Variants in CDNF observed in about 807,000 individuals in gnomAD.
The protein encoded by CDNF is cerebral dopamine neurotrophic factor.
A neutral mutation model predicts 14.8 loss-of-function variants in CDNF; 9 were observed. That is an observed-to-expected ratio of 0.61 (90% confidence interval 0.37 to 1.06). The LOEUF (loss-of-function observed/expected upper bound fraction) is 1.06, where lower values mean the gene tolerates loss of function less well. Among genes scored for constraint, CDNF ranks in the 50% least tolerant of loss-of-function variants. The pLI, the probability that CDNF is intolerant of heterozygous loss-of-function variation, is 0.01. For synonymous variants in CDNF, 86 were observed against 87.2 expected (o/e 0.99, Z 0.07); for missense variants, 228 against 228.4 (o/e 1.00, Z 0.01).
At chr10:14,832,011 GAAGAAAACA>G (rs1258626794) in intron 1 of CDNF, among the ~76,000 whole-genome samples, 7 of 152,296 alleles carry the variant, frequency 4.6e-5, no homozygotes, top group Middle Eastern at 3.4e-3. Context: ...ATTCAGTAAT[GAAGAAAACA>G]AAGAACTTGC....
chr10:14,820,246 A>C, intron 3 of CDNF, 88 bp from the exon 4 acceptor site: 1 of 1,326,764 alleles, frequency 7.5e-7, no homozygotes, highest in Non-Finnish European at 1.0e-6. Context: ...TAGTTTGCTT[A>C]TCTTGGTGCT....
At chr10:14,826,095 A>AAGAAGAAGAAGAAGAAGC (rs1426555042) in intron 2 of CDNF, among the ~76,000 whole-genome samples, 53 of 87,576 alleles carry the variant, frequency 6.1e-4, no homozygotes, top group Non-Finnish European at 1.0e-3. Context: ...GAAGAAGAAG[A>AAGAAGAAGAAGAAGAAGC]AGCAGCAGCA....
intron 2 of CDNF, among the ~76,000 whole-genome samples, chr10:14,826,191 CAGCAGAAGA>C (rs1387084936): frequency 2.2e-5 from 3 of 134,032 alleles, no homozygotes; most frequent in Admixed American, 7.5e-5. Flanking sequence ...GAAGCAGAAG[CAGCAGAAGA>C]AGAAGAAGAA....
chr10:14,823,472 T>C (rs1345075410), intron 3 of CDNF, among the ~76,000 whole-genome samples: 1 of 152,222 alleles, frequency 6.6e-6, no homozygotes. Context: ...ACAACAAATT[T>C]GTTGAATTTA....
intron 1 of CDNF, among the ~76,000 whole-genome samples, chr10:14,832,759 CTG>C (rs1661235091): frequency 6.6e-6 from 1 of 151,558 alleles, no homozygotes; most frequent in African/African-American, 2.4e-5. Context: ...GGCCAAGAAA[CTG>C]GAACCGTGGA....
intron 1 of CDNF, among the ~76,000 whole-genome samples, chr10:14,832,778 A>G (rs1468758053): frequency 6.6e-6 from 1 of 151,864 alleles, no homozygotes; most frequent in Non-Finnish European, 1.5e-5. Context: ...TGGAGTTGCC[A>G]TCTGCTGAAA....
At chr10:14,832,667 C>G (rs183533831) in intron 1 of CDNF, among the ~76,000 whole-genome samples, 95 of 151,976 alleles carry the variant, frequency 6.3e-4, no homozygotes, top group African/African-American at 2.1e-3. Context: ...AAGGAAGAGC[C>G]AAAAGAATTT....
chr10:14,821,686 T>C (rs994224888), intron 3 of CDNF, among the ~76,000 whole-genome samples: 2 of 152,206 alleles, frequency 1.3e-5, no homozygotes, highest in Non-Finnish European at 2.9e-5. Flanking sequence ...CAAGAGATTA[T>C]ACTTGCTTCA....
rs770033243 is a variant in CDNF at position 14,828,252 on chromosome 10, G to T, written c.136C>A (p.Arg46=). ...DCEVCKEFLN[R]FYKSLIDRGV... The stretch of plus-strand genomic sequence containing the variant: ...CTGTCTATCAGTGACTTGTAGAATC[G>T]GTTCAAGAATTCTTTACATACTGGA... Residue 46 remains arginine, a synonymous_variant, in exon 2 of 4, where the codon CGA becomes AGA. Transcript: ENST00000465530. 2 of 1,613,244 alleles carry T rather than the reference G, an allele frequency of 1.2e-6. No individual in the cohort carries two copies. The highest frequency in any genetic ancestry group is 1.7e-6 in the Non-Finnish European group (2 of 1,179,458).
Position 14,826,026 on chromosome 10 carries a change from A to C in CDNF, c.244-406T>G, listed in dbSNP as rs1241484375. 1.5e-4 allele frequency among the ~76,000 whole-genome samples: 17 copies of C among 113,330 alleles called. 1 individual carries two copies. The highest frequency in any genetic ancestry group is 6.1e-4 in the African/African-American group (14 of 23,032). The allele number at this position is 113,330 out of a possible 152,430, so 74.3% of individuals were successfully genotyped here. A position where few individuals can be genotyped will look rare whatever the true frequency, so the allele number is the denominator to read the frequency against. Reference sequence around the variant, plus strand: ...GAAGAAGCAGAAGCAGAAGAAGAAGAAGGAGAAGAAGAAGAAGAAGAAGAA... The same window carrying C: ...GAAGAAGCAGAAGCAGAAGAAGAAGCAGGAGAAGAAGAAGAAGAAGAAGAA... On this transcript the variant is annotated intron_variant, in intron 2 of 3. Coordinates refer to ENST00000465530, the MANE Select transcript of CDNF (RefSeq NM_001029954.3).
chr10:14,828,115 G>A (rs1446311919), intron 2 of CDNF, 30 bp downstream of exon 2: 2 of 1,610,138 alleles, frequency 1.2e-6, no homozygotes, highest in African/African-American at 2.7e-5. Flanking sequence ...TCAAGCACAT[G>A]GGGAAAATGA....
chr10:14,824,643 T>C (rs928310104), intron 3 of CDNF, among the ~76,000 whole-genome samples: 1 of 151,730 alleles, frequency 6.6e-6, no homozygotes, highest in Admixed American at 6.6e-5. Flanking sequence ...TCTCCTTCCT[T>C]TTCTTGCTGT....
chr10:14,828,653 A>C (rs999238362), intron 1 of CDNF, among the ~76,000 whole-genome samples: 3 of 151,888 alleles, frequency 2.0e-5, no homozygotes, highest in South Asian at 2.1e-4. Flanking sequence ...CTCACACACA[A>C]AAAAAGAAAC....
chr10:14,835,666 A>C (rs1833880055), intron 1 of CDNF, among the ~76,000 whole-genome samples: 1 of 152,184 alleles, frequency 6.6e-6, no homozygotes, highest in African/African-American at 2.4e-5. Context: ...TGAATCTATA[A>C]TTATTTTAAA....
At position 14,837,995 on chromosome 10, in the gene CDNF, C is replaced by G; in HGVS notation, c.-49G>C. On this transcript the variant is annotated 5_prime_UTR_variant, in exon 1 of 4. Coordinates refer to ENST00000465530, the MANE Select transcript of CDNF (RefSeq NM_001029954.3). Reference sequence around the variant, plus strand: ...CTCCGCCACCCGCGCCCACCGCCCACCAAGCTGCCAAAGCGAGCTGAGCAG... The same window carrying G: ...CTCCGCCACCCGCGCCCACCGCCCAGCAAGCTGCCAAAGCGAGCTGAGCAG... The G allele has an allele frequency of 1.4e-6, 2 of 1,391,090 alleles. No homozygotes were observed. The highest frequency in any genetic ancestry group is 1.2e-5 in the South Asian group (1 of 81,342). The allele number at this position is 1,391,090 out of a possible 1,614,324, so 86.2% of individuals were successfully genotyped here.
intron 1 of CDNF, among the ~76,000 whole-genome samples, chr10:14,834,955 T>C (rs532414338): frequency 6.6e-6 from 1 of 152,150 alleles, no homozygotes; most frequent in Admixed American, 6.5e-5. Context: ...GCAGGACCAG[T>C]CAGGAGGTAG....
chr10:14,832,566 A>T (rs1466100126), intron 1 of CDNF, among the ~76,000 whole-genome samples: 1 of 152,236 alleles, frequency 6.6e-6, no homozygotes, highest in Non-Finnish European at 1.5e-5. Flanking sequence ...CCAGCTGACC[A>T]GTTTAGAGGT....
At position 14,837,964 on chromosome 10, in the gene CDNF, A is replaced by AAT. The variant is rs1415404384; in HGVS notation, c.-20_-19dup. ...CACCACATGCTGGGCCAGCAGCTTC[A>AAT]ATCGCCTCCGCCACCCGCGCCCACC... On this transcript the variant is annotated 5_prime_UTR_variant, in exon 1 of 4. Coordinates refer to ENST00000465530, the MANE Select transcript of CDNF (RefSeq NM_001029954.3). 1 of 1,559,814 alleles carries AAT rather than the reference A, an allele frequency of 6.4e-7. No homozygotes were observed. Among genetic ancestry groups the AAT allele is most frequent in the Non-Finnish European group, 8.7e-7 (1 of 1,151,038 alleles).
intron 2 of CDNF, among the ~76,000 whole-genome samples, chr10:14,826,095 A>AAGAAGCAGC (rs1426555042): frequency 3.0e-4 from 26 of 87,590 alleles, no homozygotes; most frequent in Non-Finnish European, 4.6e-4. Context: ...GAAGAAGAAG[A>AAGAAGCAGC]AGCAGCAGCA....
Sources: allele counts gnomAD v4.1 joint callset (sites outside exome capture counted in the v4.1 genomes callset), GRCh38; gene constraint gnomAD v4.1.1; transcripts MANE v1.5; gene names NCBI Gene and HGNC (gene_info 2026-07-23, HGNC 2026-07-21).